The following B4GALNT4 variants were observed in gnomAD, a reference collection of about 807,000 sequenced individuals.
The protein encoded by B4GALNT4 is N-acetyl-beta-glucosaminyl-glycoprotein 4-beta-N-acetylgalactosaminyltransferase 1.
A neutral mutation model predicts 110.0 loss-of-function variants in B4GALNT4; 77 were observed. The ratio of observed to expected loss-of-function variants is 0.70; its 90% confidence interval spans 0.58 to 0.85. B4GALNT4 has a LOEUF of 0.85. B4GALNT4 is among the 40% of genes least tolerant of loss of function. B4GALNT4 has a pLI of 0.00. For synonymous variants in B4GALNT4, 785 were observed against 655.5 expected, an observed-to-expected ratio of 1.20 and a Z score of -3.02; for missense variants, 1,575 against 1,506.0, an observed-to-expected ratio of 1.05 and a Z score of -0.76.
In B4GALNT4 at chr11:376,062, C is replaced by G. The variant is rs1234124606; in HGVS notation, c.1096-12C>G. The G allele has an allele frequency of 4.4e-6, 7 of 1,603,402 alleles. No individual in the cohort carries two copies. The highest frequency in any genetic ancestry group is 2.2e-5 in the East Asian group (1 of 44,822). On this transcript the variant is annotated splice_polypyrimidine_tract_variant and intron_variant, in intron 11 of 19. Coordinates refer to ENST00000329962, the MANE Select transcript of B4GALNT4 (RefSeq NM_178537.5). ...GTCCGCGCCCTGAGCCCTGCGCCCC[C>G]CCACCCCCCAGGTGTACCTGTCCTT...
At chr11:371,446 G>A (rs976090061) in intron 1 of B4GALNT4, among the ~76,000 whole-genome samples, 2 of 152,142 alleles carry the variant, frequency 1.3e-5, no homozygotes, top group African/African-American at 4.8e-5. Flanking sequence ...TGCAGCCCCA[G>A]GGGGTTCCAC....
intron 14 of B4GALNT4, among the ~76,000 whole-genome samples, chr11:378,658 G>A (rs113122638): frequency 0.039 from 5,913 of 152,242 alleles, 121 homozygotes; most frequent in African/African-American, 0.051. Flanking sequence ...AGAAACCATC[G>A]TCTAGGGCAG....
rs779853175 is a variant in B4GALNT4 at position 376,658 on chromosome 11, C to T, written c.1535C>T (p.Pro512Leu). ...TTGCCGCTCTTCTTGGGCCGAGCTC[C>T]GCCCCCGCGCCCTGCAGTGGAGCAG... Reference protein sequence around the residue: ...RPLPLFLGRAPPPRPAVEQPP... With the variant: ...RPLPLFLGRALPPRPAVEQPP... The change falls in exon 14 of 20, where the codon CCG (proline) becomes CTG (leucine). Residue 512 changes from proline to leucine, a missense_variant. Coordinates refer to ENST00000329962, the MANE Select transcript of B4GALNT4 (RefSeq NM_178537.5). 25 of 1,423,632 alleles carry T rather than the reference C, an allele frequency of 1.8e-5. No homozygotes were observed. The highest frequency in any genetic ancestry group is 2.3e-4 in the Middle Eastern group (1 of 4,366). 88.2% of individuals were successfully genotyped at this position (1,423,632 alleles called of 1,614,324 possible).
chr11:376,811 T>G lies in B4GALNT4; in HGVS notation c.1688T>G (p.Val563Gly). 7.3e-7 allele frequency: 1 copy of G among 1,362,972 alleles called. No homozygotes were observed. Among genetic ancestry groups the G allele is most frequent in the South Asian group, 1.6e-5 (1 of 64,208 alleles). 84.4% of individuals were successfully genotyped at this position (1,362,972 alleles called of 1,614,324 possible). Residue 563 changes from valine to glycine, a missense_variant, in exon 14 of 20, where the codon GTG becomes GGG. Coordinates refer to ENST00000329962, the MANE Select transcript of B4GALNT4 (RefSeq NM_178537.5). Reference sequence around the variant, plus strand: ...CTGCACCCCAGGCCTCTGCCCAGAGTGCAGCTGCGGGCGCCCCCACGCCCA... The same window carrying G: ...CTGCACCCCAGGCCTCTGCCCAGAGGGCAGCTGCGGGCGCCCCCACGCCCA... Reference protein sequence around the residue: ...VFLHPRPLPRVQLRAPPRPPR... With the variant: ...VFLHPRPLPRGQLRAPPRPPR...
In B4GALNT4 at chr11:373,019, C is replaced by A. The variant is rs768565287; in HGVS notation, c.445-7C>A. Reference sequence around the variant, plus strand: ...GGCTTCGACAGCAACAGTCACTGCCCCCCCAGACGCGCACCACCGTGAAGA... The same window carrying A: ...GGCTTCGACAGCAACAGTCACTGCCACCCCAGACGCGCACCACCGTGAAGA... On this transcript the variant is annotated splice_polypyrimidine_tract_variant and splice_region_variant and intron_variant, in intron 4 of 19. Transcript: ENST00000329962. The A allele has an allele frequency of 2.0e-5, 33 of 1,612,400 alleles. No individual in the cohort carries two copies. The highest frequency in any genetic ancestry group is 2.2e-5 in the Non-Finnish European group (26 of 1,179,876).
chr11:372,302 G>A, intron 2 of B4GALNT4, 90 bp downstream of exon 2: 1 of 1,213,252 alleles, frequency 8.2e-7, no homozygotes, highest in South Asian at 1.3e-5. Context: ...TGTCCATTCT[G>A]GAGGACGCAG....
chr11:372,968 G>T (rs773743559), intron 4 of B4GALNT4, 21 bp downstream of exon 4: 2 of 1,612,214 alleles, frequency 1.2e-6, no homozygotes, highest in Non-Finnish European at 1.7e-6. Context: ...GGGTTGGGGG[G>T]TGCCGGGTGG....
Position 372,650 on chromosome 11 carries a change from T to C in B4GALNT4, c.256-12T>C, listed in dbSNP as rs545853129. On this transcript the variant is annotated splice_polypyrimidine_tract_variant and intron_variant, in intron 2 of 19. Coordinates refer to ENST00000329962, the MANE Select transcript of B4GALNT4 (RefSeq NM_178537.5). ...TTCCAACCCTGACCCTGTTGCCTTT[T>C]CTCTCCTGCAGCCCGAAGGTCGGGA... The C allele has an allele frequency of 6.2e-7, 1 of 1,609,956 alleles. No individual in the cohort carries two copies. The highest frequency in any genetic ancestry group is 2.2e-5 in the East Asian group (1 of 44,832).
rs760704340 is a variant in B4GALNT4, at chr11:373,299, C to T, written c.636+8C>T. ...GTGGCCTTTGTGGGCAAGGTACCCC[C>T]ACCCCAGCCCTGGTGTCGTCCCGGG... On this transcript the variant is annotated splice_region_variant and intron_variant, in intron 6 of 19. Coordinates refer to ENST00000329962, the MANE Select transcript of B4GALNT4 (RefSeq NM_178537.5). 1.2e-6 allele frequency: 2 copies of T among 1,605,628 alleles called. No individual in the cohort carries two copies. Among genetic ancestry groups the T allele is most frequent in the East Asian group, 2.2e-5 (1 of 44,658 alleles).
chr11:373,575 G>C, intron 7 of B4GALNT4, 59 bp downstream of exon 7: 1 of 1,573,318 alleles, frequency 6.4e-7, no homozygotes, highest in Admixed American at 1.7e-5. Context: ...GGGGTTACGC[G>C]CTGTCTCCTT....
chr11:381,189 C>G (rs1278158105), intron 19 of B4GALNT4: 1 of 972,598 alleles, frequency 1.0e-6, no homozygotes, highest in Non-Finnish European at 1.2e-6. Context: ...AGCTCTGCCC[C>G]CGATCCCATA....
In B4GALNT4 at chr11:370,708, C is replaced by A. The variant is rs1044380611; in HGVS notation, c.151+754C>A. Among the ~76,000 whole-genome samples, 3 of 152,254 alleles carry A rather than the reference C, an allele frequency of 2.0e-5. No homozygotes were observed. In the South Asian group the frequency reaches 6.2e-4, roughly 32 times the overall value. On this transcript the variant is annotated intron_variant, in intron 1 of 19. Coordinates refer to ENST00000329962, the MANE Select transcript of B4GALNT4 (RefSeq NM_178537.5). ...GGGGGAGAAGGTGGGGCAGAATGCC[C>A]CCTCTGGAGGAGGGAGGTTAGTGCC...
chr11:377,417 C>CTG (rs1846782225), intron 14 of B4GALNT4, 90 bp downstream of exon 14: 1 of 1,348,460 alleles, frequency 7.4e-7, no homozygotes, highest in African/African-American at 1.5e-5. Context: ...ACTCCTCAGA[C>CTG]CTTCCCCAGG....
At position 378,825 on chromosome 11, in the gene B4GALNT4, A is replaced by G. The variant is rs549511680; in HGVS notation, c.2205-593A>G. 3.4e-3 allele frequency among the ~76,000 whole-genome samples: 512 copies of G among 151,970 alleles called. 2 individuals carry two copies. Among genetic ancestry groups the G allele is most frequent in the Non-Finnish European group, 5.4e-3 (370 of 67,934 alleles). ...CAGGAGCGGAACTGCTGCCTGGGGG[A>G]AAGGGGTGCTGTGAAGGCACGATTG... On this transcript the variant is annotated intron_variant, in intron 14 of 19. Coordinates refer to ENST00000329962, the MANE Select transcript of B4GALNT4 (RefSeq NM_178537.5).
intron 6 of B4GALNT4, 23 bp from the exon 7 acceptor site, chr11:373,417 CCCACCACCA>C: frequency 8.2e-7 from 1 of 1,225,668 alleles, no homozygotes; most frequent in South Asian, 1.3e-5. Flanking sequence ...AACCCCCCCC[CCCACCACCA>C]CCCCTGCTCT....
chr11:379,047 C>T (rs1296547328), intron 14 of B4GALNT4, among the ~76,000 whole-genome samples: 1 of 152,240 alleles, frequency 6.6e-6, no homozygotes, highest in Non-Finnish European at 1.5e-5. Flanking sequence ...TAGAATGCCA[C>T]AAAAGCCCCT....
chr11:370,707 C>T (rs1298672711), intron 1 of B4GALNT4, among the ~76,000 whole-genome samples: 2 of 152,252 alleles, frequency 1.3e-5, no homozygotes, highest in African/African-American at 4.8e-5. Context: ...GGCAGAATGC[C>T]CCCTCTGGAG....
At chr11:378,204 T>C (rs1849593916) in intron 14 of B4GALNT4, among the ~76,000 whole-genome samples, 1 of 152,184 alleles carries the variant, frequency 6.6e-6, no homozygotes, top group African/African-American at 2.4e-5. Flanking sequence ...TGACTGTTTC[T>C]TGTGTGCATG....
chr11:372,622 C>T, intron 2 of B4GALNT4, 40 bp from the exon 3 acceptor site: 1 of 1,541,972 alleles, frequency 6.5e-7, no homozygotes, highest in Non-Finnish European at 8.9e-7. Context: ...CTCCTCCCTG[C>T]CCTTCCAACC....
Sources: gnomAD v4.1 joint callset for allele counts (sites outside exome capture counted in the v4.1 genomes callset) on GRCh38, gnomAD v4.1.1 for gene constraint, MANE v1.5 for transcripts, NCBI Gene and HGNC (gene_info 2026-07-23, HGNC 2026-07-21) for gene names.